The following DOT1L variants were observed in gnomAD, a reference collection of about 807,000 sequenced individuals.
The protein encoded by DOT1L is histone-lysine N-methyltransferase, H3 lysine-79 specific.
A neutral mutation model predicts 153.3 loss-of-function variants in DOT1L; 33 were observed. The observed-to-expected ratio is 0.22, with a 90% CI of 0.16 to 0.29. DOT1L has a LOEUF of 0.29. Ranked by LOEUF, DOT1L falls within the 10% of genes least tolerant of loss-of-function variation. The probability of loss-of-function intolerance (pLI) is 1.00; values close to 1 mark genes in which losing one functional copy is unlikely to be tolerated. For missense variants in DOT1L, 1,847 were observed against 2,119.9 expected, an observed-to-expected ratio of 0.87 and a Z score of 2.53; for synonymous variants, 1,135 against 965.1, an observed-to-expected ratio of 1.18 and a Z score of -3.26.
intron 7 of DOT1L, among the ~76,000 whole-genome samples, chr19:2,196,265 G>A (rs991546694): frequency 3.3e-5 from 5 of 152,252 alleles, no homozygotes; most frequent in Non-Finnish European, 7.3e-5. Context: ...TGCCTTGGGC[G>A]TCCTGGCTGT....
At position 2,226,809 on chromosome 19, in the gene DOT1L, G is replaced by A. The variant is rs752903087; in HGVS notation, c.4288G>A (p.Ala1430Thr). 3 of 1,579,078 alleles carry A rather than the reference G, an allele frequency of 1.9e-6. No homozygotes were observed. The South Asian group carries it at 3.4e-5, about 18-fold the overall frequency. ...GAATGGCCACAACCTCTTCATCTCT[G>A]CGGCGGCCGTGCCTCCCGGAAGCCT... ...LKNGHNLFIS[A>T]AAVPPGSLLS... The change falls in exon 27 of 28, where the codon GCG becomes ACG. Residue 1430 changes from alanine (A) to threonine (T), a missense_variant. Coordinates refer to ENST00000398665, the MANE Select transcript of DOT1L (RefSeq NM_032482.3).
At chr19:2,206,668 G>T in intron 9 of DOT1L, 61 bp from the exon 10 acceptor site, 1 of 1,539,006 alleles carries the variant, frequency 6.5e-7, no homozygotes, top group Non-Finnish European at 9.0e-7. Flanking sequence ...GTCACCTTGA[G>T]TGGTGTCTGC....
At position 2,214,486 on chromosome 19, in the gene DOT1L, G is replaced by A. The variant is rs781157426; in HGVS notation, c.1813G>A (p.Glu605Lys). 3.7e-6 allele frequency: 6 copies of A among 1,612,954 alleles called. No homozygotes were observed. Among genetic ancestry groups the A allele is most frequent in the African/African-American group, 1.3e-5 (1 of 75,050 alleles). ...ATCCCCTCAGCTCAAGGCTCGCTGC[G>A]AGGAGCTGCAGCTGGACTGGGCCAC... ...QSLQLLKARC[E>K]ELQLDWATLS... The change falls in exon 19 of 28, where the codon GAG becomes AAG. Residue 605 changes from glutamate (E) to lysine (K), a missense_variant. Physicochemically the swap from Glu to Lys is moderately conservative, Grantham distance 56. Transcript: ENST00000398665.
At position 2,226,617 on chromosome 19, in the gene DOT1L, C is replaced by G; in HGVS notation, c.4096C>G (p.Pro1366Ala). Residue 1366 changes from proline (P) to alanine (A), a missense_variant, in exon 27 of 28, where the codon CCT (proline) becomes GCT (alanine). Pro to Ala is a conservative substitution (Grantham distance 27). Transcript: ENST00000398665. ...QRGKEGSDAN[P>A]FLSKRQLDGL... ...CGGCAAGGAGGGCTCGGACGCCAACCCTTTCCTGAGCAAGAGGCAGCTGGA... is the reference window on the plus strand; with the variant it reads ...CGGCAAGGAGGGCTCGGACGCCAACGCTTTCCTGAGCAAGAGGCAGCTGGA... The G allele has an allele frequency of 6.3e-7, 1 of 1,596,356 alleles. No homozygotes were observed. The highest frequency in any genetic ancestry group is 8.5e-7 in the Non-Finnish European group (1 of 1,175,606).
rs985749172 is a variant in DOT1L at position 2,231,863 on chromosome 19, G to C, written c.*2071G>C. On this transcript the variant is annotated 3_prime_UTR_variant, in exon 28 of 28. Transcript: ENST00000398665. ...GCCATGCAGGGCTCCTGCCCACGCA[G>C]GCCACCGTATGTTCAGGACACGCAC... 2 of 220,344 alleles carry C rather than the reference G, an allele frequency of 9.1e-6. No homozygotes were observed. The highest frequency in any genetic ancestry group is 4.5e-5 in the African/African-American group (2 of 44,582). 13.6% of individuals were successfully genotyped at this position (220,344 alleles called of 1,614,324 possible).
chr19:2,228,576 G>A (rs756954811), intron 27 of DOT1L: 1 of 985,396 alleles, frequency 1.0e-6, no homozygotes, highest in Non-Finnish European at 1.2e-6. Flanking sequence ...AGTGGCCTGA[G>A]TGTGTTGGGT....
At chr19:2,170,725 C>T (rs2021571549) in intron 1 of DOT1L, among the ~76,000 whole-genome samples, 2 of 152,180 alleles carry the variant, frequency 1.3e-5, no homozygotes, top group Non-Finnish European at 2.9e-5. Context: ...ATTACATTGC[C>T]TCAGTGGCTC....
At position 2,180,704 on chromosome 19, in the gene DOT1L, C is replaced by G; in HGVS notation, c.82-9C>G. The G allele has an allele frequency of 6.2e-7, 1 of 1,614,058 alleles. No individual in the cohort carries two copies. Among genetic ancestry groups the G allele is most frequent in the Non-Finnish European group, 8.5e-7 (1 of 1,180,000 alleles). On this transcript the variant is annotated splice_polypyrimidine_tract_variant and intron_variant, in intron 1 of 27. Coordinates refer to ENST00000398665, the MANE Select transcript of DOT1L (RefSeq NM_032482.3). Reference sequence around the variant, plus strand: ...GGCTCTGCGTCTCAAACTTCTCTCTCTGTTTCAGGATAAACATCACGATGC... The same window carrying G: ...GGCTCTGCGTCTCAAACTTCTCTCTGTGTTTCAGGATAAACATCACGATGC...
chr19:2,182,140 T>C (rs1198907044), intron 2 of DOT1L, among the ~76,000 whole-genome samples: 2 of 151,824 alleles, frequency 1.3e-5, no homozygotes, highest in East Asian at 1.9e-4. Flanking sequence ...GGCAGGAGAA[T>C]AGCTTGAACC....
At chr19:2,179,541 C>T (rs999469735) in intron 1 of DOT1L, among the ~76,000 whole-genome samples, 1 of 152,110 alleles carries the variant, frequency 6.6e-6, no homozygotes, top group African/African-American at 2.4e-5. Context: ...GGCACGGTGG[C>T]TCAGGCCTGT....
chr19:2,174,904 T>C (rs2021835363), intron 1 of DOT1L, among the ~76,000 whole-genome samples: 1 of 151,940 alleles, frequency 6.6e-6, no homozygotes, highest in Non-Finnish European at 1.5e-5. Flanking sequence ...CCCAGAGTGC[T>C]GGGATTACAG....
At chr19:2,184,938 C>T (rs1163734062) in intron 2 of DOT1L, among the ~76,000 whole-genome samples, 1 of 152,168 alleles carries the variant, frequency 6.6e-6, no homozygotes, top group Non-Finnish European at 1.5e-5. Context: ...CTTTCTTGTC[C>T]TTTCTTTCCA....
At chr19:2,210,320 T>G in intron 12 of DOT1L, 80 bp from the exon 13 acceptor site, 1 of 1,291,996 alleles carries the variant, frequency 7.7e-7, no homozygotes, top group Non-Finnish European at 1.0e-6. Flanking sequence ...CCCTTGAGTC[T>G]GAGCTCCGCG....
In DOT1L at chr19:2,225,701, A is replaced by G. The variant is rs1444438415; in HGVS notation, c.3661+249A>G. 6.6e-5 allele frequency among the ~76,000 whole-genome samples: 10 copies of G among 152,106 alleles called. No individual in the cohort carries two copies. In the East Asian group the frequency reaches 1.4e-3, roughly 21 times the overall value. The stretch of plus-strand genomic sequence containing the variant: ...AGCCCAGGGCCTCCGCGCACACGCC[A>G]TGCTCTCACAGTGGGTGGCTGACCT... On this transcript the variant is annotated intron_variant, in intron 26 of 27. Transcript: ENST00000398665.
chr19:2,216,936 C>T lies in DOT1L; in HGVS notation c.2409-19C>T. On this transcript the variant is annotated intron_variant, in intron 20 of 27. Transcript: ENST00000398665. ...GCCAGCCCACGGCCCTCGAGAGTGA[C>T]TGCAGCTTCTCATTCCAGAGCTGAG... The T allele has an allele frequency of 6.2e-7, 1 of 1,600,486 alleles. No individual in the cohort carries two copies. The highest frequency in any genetic ancestry group is 8.5e-7 in the Non-Finnish European group (1 of 1,170,100).
intron 5 of DOT1L, among the ~76,000 whole-genome samples, chr19:2,192,749 G>A (rs1487023173): frequency 1.1e-4 from 17 of 152,082 alleles, no homozygotes; most frequent in Non-Finnish European, 2.5e-4. Context: ...TGCTTTGGAA[G>A]GCTGAGGTGG....
chr19:2,205,854 C>T (rs1286408611), intron 9 of DOT1L, among the ~76,000 whole-genome samples: 1 of 149,296 alleles, frequency 6.7e-6, no homozygotes, highest in East Asian at 2.0e-4. Context: ...CCATCATGCC[C>T]AGCTAATTTT....
At chr19:2,167,734 C>CTTTTTTT (rs66826356) in intron 1 of DOT1L, among the ~76,000 whole-genome samples, 1 of 134,726 alleles carries the variant, frequency 7.4e-6, no homozygotes, top group African/African-American at 2.8e-5. Flanking sequence ...CTTTTCTTTT[C>CTTTTTTT]TTTTTTTTTT....
At chr19:2,211,612 G>A (rs367775923) in intron 15 of DOT1L, 139 bp from the exon 16 acceptor site, 28 of 725,708 alleles carry the variant, frequency 3.9e-5, no homozygotes, top group East Asian at 3.0e-4. Flanking sequence ...CATGGGCCCC[G>A]CCAGGCTCTG....
Sources: allele counts gnomAD v4.1 joint callset (sites outside exome capture counted in the v4.1 genomes callset), GRCh38; gene constraint gnomAD v4.1.1; transcripts MANE v1.5; gene names NCBI Gene and HGNC (gene_info 2026-07-23, HGNC 2026-07-21).